Variants in RPS6KC1 observed in about 807,000 individuals in gnomAD.
RPS6KC1 encodes the protein ribosomal protein S6 kinase C1.
In RPS6KC1, 54 loss-of-function variants were observed where a neutral mutation model predicts 103.8. The observed-to-expected ratio is 0.52, with a 90% confidence interval of 0.42 to 0.65. The LOEUF is 0.65. RPS6KC1 is among the 30% of genes least tolerant of loss of function. The pLI, the probability that RPS6KC1 is intolerant of heterozygous loss-of-function variation, is 0.00. For missense variants in RPS6KC1, 1,151 were observed against 1,253.8 expected, an observed-to-expected ratio of 0.92 and a Z score of 1.24; for synonymous variants, 439 against 438.7, an observed-to-expected ratio of 1.00 and a Z score of -0.01.
chr1:213,117,424 A>AT lies in RPS6KC1; in HGVS notation c.472+21dup, dbSNP rs1485346949. ...GTAGTACGGAAGGTAAGAGATTTTA[A>AT]TTTTTTTGCATTTCAAAGGTTTGGA... On this transcript the variant is annotated intron_variant, in intron 5 of 14. Coordinates refer to ENST00000366960, the MANE Select transcript of RPS6KC1 (RefSeq NM_012424.6). 2.4e-5 allele frequency: 36 copies of AT among 1,494,228 alleles called. No individual in the cohort carries two copies. Among genetic ancestry groups the AT allele is most frequent in the Non-Finnish European group, 2.8e-5 (30 of 1,078,236 alleles). The allele number at this position is 1,494,228 out of a possible 1,614,324, so 92.6% of individuals were successfully genotyped here.
At chr1:213,326,511 CA>C in the RPS6KC1 span, among the ~76,000 whole-genome samples, 7 of 152,242 alleles carry the variant, frequency 4.6e-5, no homozygotes, top group East Asian at 1.3e-3. Flanking sequence ...TGAAGGCTGC[CA>C]AATGTTCACT....
At chr1:213,560,767 A>T in the RPS6KC1 span, among the ~76,000 whole-genome samples, 3 of 152,156 alleles carry the variant, frequency 2.0e-5, no homozygotes, top group Non-Finnish European at 2.9e-5. Context: ...TCTCACGAGG[A>T]TGATGTAAAG....
intron 8 of RPS6KC1, among the ~76,000 whole-genome samples, chr1:213,220,358 G>T (rs967156906): frequency 6.6e-6 from 1 of 152,056 alleles, no homozygotes; most frequent in African/African-American, 2.4e-5. Context: ...ATGGAGTCTC[G>T]CTCTGTCACC....
At chr1:213,275,692 C>G (rs2095111180), downstream of RPS6KC1, among the ~76,000 whole-genome samples, 1 of 152,156 alleles carries the variant, frequency 6.6e-6, no homozygotes, top group South Asian at 2.1e-4. Flanking sequence ...ACTTATCCAT[C>G]ACCTCAAATA....
the RPS6KC1 span, among the ~76,000 whole-genome samples, chr1:213,351,062 T>C: frequency 2.0e-5 from 3 of 152,316 alleles, no homozygotes; most frequent in African/African-American, 7.2e-5. Flanking sequence ...ATTTTCAGAT[T>C]ATATTTAATT....
At chr1:213,514,175 CA>C in the RPS6KC1 span, among the ~76,000 whole-genome samples, 14 of 152,162 alleles carry the variant, frequency 9.2e-5, no homozygotes, top group Non-Finnish European at 7.3e-5. Context: ...ACCTAATTCA[CA>C]AACTTAAAAT....
chr1:213,160,214 G>GTCAT (rs1322185832), intron 6 of RPS6KC1, among the ~76,000 whole-genome samples: 2 of 152,082 alleles, frequency 1.3e-5, no homozygotes, highest in African/African-American at 4.8e-5. Flanking sequence ...AAATAGCCAG[G>GTCAT]TCATTATACA....
At chr1:213,333,855 T>G in the RPS6KC1 span, among the ~76,000 whole-genome samples, 2 of 152,140 alleles carry the variant, frequency 1.3e-5, no homozygotes, top group African/African-American at 4.8e-5. Context: ...CTAATTTTTG[T>G]ATTTTTAGTA....
the RPS6KC1 span, among the ~76,000 whole-genome samples, chr1:213,635,218 T>G: frequency 2.0e-5 from 3 of 152,138 alleles, no homozygotes; most frequent in African/African-American, 7.2e-5. Context: ...TACCATTCCT[T>G]CTGAAACTAT....
At chr1:213,599,589 TC>T in the RPS6KC1 span, among the ~76,000 whole-genome samples, 1 of 152,256 alleles carries the variant, frequency 6.6e-6, no homozygotes, top group Admixed American at 6.5e-5. Flanking sequence ...AGAGATAGTT[TC>T]TTGAAGGCAA....
the RPS6KC1 span, among the ~76,000 whole-genome samples, chr1:213,697,098 A>G: frequency 6.6e-6 from 1 of 152,222 alleles, no homozygotes; most frequent in African/African-American, 2.4e-5. Flanking sequence ...CATTTATTAT[A>G]AAAGATACTA....
the RPS6KC1 span, among the ~76,000 whole-genome samples, chr1:213,794,009 G>T: frequency 9.9e-5 from 15 of 152,256 alleles, no homozygotes; most frequent in Non-Finnish European, 2.1e-4. Context: ...TTAGAAAAGC[G>T]ACGAGATTAG....
At chr1:213,512,433 C>T in the RPS6KC1 span, among the ~76,000 whole-genome samples, 1 of 152,164 alleles carries the variant, frequency 6.6e-6, no homozygotes, top group Non-Finnish European at 1.5e-5. Context: ...AAGACTCAGC[C>T]CTTTCTGAGT....
chr1:213,379,580 T>G, the RPS6KC1 span, among the ~76,000 whole-genome samples: 1 of 152,152 alleles, frequency 6.6e-6, no homozygotes, highest in Non-Finnish European at 1.5e-5. Flanking sequence ...ATAATAAGTA[T>G]CTGTTGTTTG....
intron 8 of RPS6KC1, 48 bp from the exon 9 acceptor site, chr1:213,230,449 A>G (rs1573466495): frequency 7.4e-7 from 1 of 1,357,478 alleles, no homozygotes; most frequent in Middle Eastern, 2.0e-4. Context: ...CTAAGAGTTA[A>G]TGTTTCATTG....
the RPS6KC1 span, chr1:213,840,602 T>G: frequency 6.6e-6 from 1 of 152,130 alleles, no homozygotes; most frequent in Non-Finnish European, 1.5e-5. Flanking sequence ...TTTATACCCC[T>G]GAAACAGAAG....
the RPS6KC1 span, among the ~76,000 whole-genome samples, chr1:213,603,233 C>T: frequency 2.0e-5 from 3 of 152,234 alleles, no homozygotes; most frequent in Non-Finnish European, 4.4e-5. Context: ...CTGCTGGCCC[C>T]AGACCCTGTG....
chr1:213,164,744 A>G (rs968899944), intron 6 of RPS6KC1, among the ~76,000 whole-genome samples: 1 of 151,974 alleles, frequency 6.6e-6, no homozygotes, highest in African/African-American at 2.4e-5. Flanking sequence ...TGTATTTTCA[A>G]TAGAGACAGA....
the RPS6KC1 span, among the ~76,000 whole-genome samples, chr1:213,762,142 G>T: frequency 1.3e-5 from 2 of 152,258 alleles, no homozygotes; most frequent in Non-Finnish European, 1.5e-5. Context: ...AAAGTCAGAG[G>T]TGCGCTGTCT....
Sources: allele counts gnomAD v4.1 joint callset (sites outside exome capture counted in the v4.1 genomes callset), GRCh38; gene constraint gnomAD v4.1.1; transcripts MANE v1.5; gene names NCBI Gene and HGNC (gene_info 2026-07-23, HGNC 2026-07-21).